The following CIMAP1D variants were observed in gnomAD, a reference collection of about 807,000 sequenced individuals.
CIMAP1D encodes CIMAP1 family member D, also known as protein CIMAP1D.
At chr19:474,272 C>T in the CIMAP1D span, among the ~76,000 whole-genome samples, 1 of 152,206 alleles carries the variant, frequency 6.6e-6, no homozygotes, top group Non-Finnish European at 1.5e-5. Flanking sequence ...TCGCCCTGCC[C>T]CACGTTGTCT....
At chr19:465,815 G>GTTTGA in the CIMAP1D span, among the ~76,000 whole-genome samples, 1 of 144,092 alleles carries the variant, frequency 6.9e-6, no homozygotes, top group African/African-American at 2.6e-5. Flanking sequence ...GTGGATGGAT[G>GTTTGA]AGTGGGTGGG....
At chr19:468,444 C>T in the CIMAP1D span, among the ~76,000 whole-genome samples, 1 of 152,180 alleles carries the variant, frequency 6.6e-6, no homozygotes, top group Admixed American at 6.5e-5. Flanking sequence ...GCTGGCAGGT[C>T]GCATGCTTAA....
chr19:473,172 T>A, the CIMAP1D span, among the ~76,000 whole-genome samples: 7 of 74,132 alleles, frequency 9.4e-5, no homozygotes, highest in African/African-American at 3.5e-4. Flanking sequence ...GACTGAGGCC[T>A]GAGCCTCCCA....
At chr19:486,685 C>T in the CIMAP1D span, among the ~76,000 whole-genome samples, 8 of 151,532 alleles carry the variant, frequency 5.3e-5, no homozygotes, top group African/African-American at 7.3e-5. Flanking sequence ...GAGGCTGAGG[C>T]GAGCAGATCA....
chr19:476,761 A>G, the CIMAP1D span, among the ~76,000 whole-genome samples: 3 of 152,224 alleles, frequency 2.0e-5, no homozygotes, highest in South Asian at 2.1e-4. Flanking sequence ...GTTAAACAAC[A>G]TACTTCTGAA....
At chr19:488,966 G>A in the CIMAP1D span, among the ~76,000 whole-genome samples, 1 of 152,024 alleles carries the variant, frequency 6.6e-6, no homozygotes, top group Non-Finnish European at 1.5e-5. Context: ...CGCGCCGCCC[G>A]CCCCAAGCCC....
At chr19:490,579 G>A in the CIMAP1D span, among the ~76,000 whole-genome samples, 1 of 152,218 alleles carries the variant, frequency 6.6e-6, no homozygotes, top group Non-Finnish European at 1.5e-5. Context: ...GGCCACTAAA[G>A]TTCTAGTTGG....
chr19:486,630 T>C, the CIMAP1D span, among the ~76,000 whole-genome samples: 1 of 151,522 alleles, frequency 6.6e-6, no homozygotes, highest in Non-Finnish European at 1.5e-5. Context: ...TTAATAGAGA[T>C]GGGGCCGGGA....
At chr19:479,419 G>T in the CIMAP1D span, among the ~76,000 whole-genome samples, 53 of 146,830 alleles carry the variant, frequency 3.6e-4, 2 homozygotes, top group Middle Eastern at 3.2e-3. Flanking sequence ...TTTGGGGGGG[G>T]GGGGGATGGA....
At chr19:487,632 T>G in the CIMAP1D span, among the ~76,000 whole-genome samples, 2 of 152,136 alleles carry the variant, frequency 1.3e-5, no homozygotes, top group Non-Finnish European at 2.9e-5. Flanking sequence ...ATCGCACCAC[T>G]GCGCTCCAGC....
At chr19:483,303 C>T in the CIMAP1D span, among the ~76,000 whole-genome samples, 1 of 151,180 alleles carries the variant, frequency 6.6e-6, no homozygotes, top group African/African-American at 2.4e-5. Context: ...ACGCCTCTCC[C>T]AGCCCCAAAA....
chr19:463,915 G>GT, the CIMAP1D span: 1 of 1,611,592 alleles, frequency 6.2e-7, no homozygotes, highest in Non-Finnish European at 8.5e-7. Context: ...GTGCTGGCCC[G>GT]TTTCGAGTGG....
the CIMAP1D span, among the ~76,000 whole-genome samples, chr19:475,218 A>G: frequency 2.0e-5 from 3 of 151,944 alleles, no homozygotes; most frequent in Non-Finnish European, 4.4e-5. Context: ...CAAGTACACA[A>G]CTCTGGGAGT....
the CIMAP1D span, chr19:464,136 C>CGG: frequency 1.2e-5 from 12 of 986,806 alleles, no homozygotes; most frequent in Admixed American, 2.2e-4. Flanking sequence ...CTGCGGGGGG[C>CGG]GGGCGGGGGG....
the CIMAP1D span, among the ~76,000 whole-genome samples, chr19:480,855 T>C: frequency 3.1e-5 from 4 of 130,728 alleles, no homozygotes; most frequent in Non-Finnish European, 6.2e-5. Context: ...GGAAGGATGA[T>C]GGAGAACGAT....
At chr19:477,702 G>A in the CIMAP1D span, among the ~76,000 whole-genome samples, 6 of 152,190 alleles carry the variant, frequency 3.9e-5, no homozygotes, top group South Asian at 4.1e-4. Flanking sequence ...TCGCTCTGTC[G>A]CCCAGGCTGG....
chr19:472,541 TTCCCCGAAGAA>T, the CIMAP1D span: 1 of 1,391,952 alleles, frequency 7.2e-7, no homozygotes, highest in Non-Finnish European at 9.8e-7. Flanking sequence ...TGGGCCCAGA[TTCCCCGAAGAA>T]GGAGCCCTGG....
the CIMAP1D span, among the ~76,000 whole-genome samples, chr19:466,660 AGGTGGGTG>A: frequency 2.1e-5 from 1 of 48,732 alleles, no homozygotes; most frequent in Non-Finnish European, 4.0e-5. Context: ...GTGGGTGGGT[AGGTGGGTG>A]GATGGATGAG....
chr19:488,318 C>T, the CIMAP1D span, among the ~76,000 whole-genome samples: 2 of 151,530 alleles, frequency 1.3e-5, no homozygotes, highest in Non-Finnish European at 1.5e-5. Flanking sequence ...GTCAGGAGAT[C>T]GAGACCATCC....
Sources: allele counts gnomAD v4.1 joint callset (sites outside exome capture counted in the v4.1 genomes callset), GRCh38; gene constraint gnomAD v4.1.1; transcripts MANE v1.5; gene names NCBI Gene and HGNC (gene_info 2026-07-23, HGNC 2026-07-21).